Variants in DLGAP1 observed in about 807,000 individuals in gnomAD.
DLGAP1 encodes disks large-associated protein 1.
Under a neutral mutation model 90.8 loss-of-function variants are expected in DLGAP1, and 11 were observed. The observed-to-expected ratio is 0.12, with a 90% confidence interval of 0.08 to 0.20. The LOEUF (loss-of-function observed/expected upper bound fraction) is 0.20. Ranked by LOEUF, DLGAP1 falls within the 10% of genes least tolerant of loss-of-function variation. DLGAP1 has a pLI of 1.00. For missense variants in DLGAP1, 1,050 were observed against 1,333.8 expected, an observed-to-expected ratio of 0.79 and a Z score of 3.31; for synonymous variants, 558 against 540.7, an observed-to-expected ratio of 1.03 and a Z score of -0.44.
chr18:4,165,081 G>A (rs759636473), intron 1 of DLGAP1, among the ~76,000 whole-genome samples: 2 of 152,112 alleles, frequency 1.3e-5, no homozygotes, highest in African/African-American at 2.4e-5. Flanking sequence ...AATATTCAAG[G>A]AAATAATGAT....
chr18:3,596,494 T>C (rs1043893575), intron 7 of DLGAP1: 2 of 212,458 alleles, frequency 9.4e-6, no homozygotes, highest in Non-Finnish European at 9.4e-6. Context: ...ATCAACCAGC[T>C]TTCATTTCTT....
At chr18:3,889,815 A>G (rs1299133706) in intron 3 of DLGAP1, among the ~76,000 whole-genome samples, 1 of 152,204 alleles carries the variant, frequency 6.6e-6, no homozygotes, top group African/African-American at 2.4e-5. Flanking sequence ...GGAAGGGCCC[A>G]TGTCGGCCCC....
chr18:4,174,103 T>C (rs2077066621), intron 1 of DLGAP1, among the ~76,000 whole-genome samples: 1 of 152,104 alleles, frequency 6.6e-6, no homozygotes, highest in South Asian at 2.1e-4. Context: ...GGAATGCTAA[T>C]TGGACATTTT....
chr18:4,140,953 T>C (rs2144307405), intron 2 of DLGAP1, among the ~76,000 whole-genome samples: 1 of 152,152 alleles, frequency 6.6e-6, no homozygotes, highest in Non-Finnish European at 1.5e-5. Context: ...TTGGGGCTTT[T>C]AGGATCCTTT....
intron 2 of DLGAP1, among the ~76,000 whole-genome samples, chr18:4,022,343 G>A (rs1051938579): frequency 6.0e-5 from 9 of 149,126 alleles, no homozygotes; most frequent in African/African-American, 2.0e-4. Context: ...ACCATAGTCA[G>A]CTTTTATTAT....
intron 3 of DLGAP1, among the ~76,000 whole-genome samples, chr18:3,932,613 A>G (rs574618526): frequency 4.5e-4 from 68 of 152,278 alleles, no homozygotes; most frequent in African/African-American, 1.6e-3. Flanking sequence ...GGCAGCAAGG[A>G]CAGGGCTACA....
intron 5 of DLGAP1, among the ~76,000 whole-genome samples, chr18:3,761,397 T>C (rs1037082813): frequency 1.3e-4 from 20 of 152,192 alleles, no homozygotes; most frequent in African/African-American, 4.8e-4. Context: ...TCAAGGTCCA[T>C]CCACAATGTC....
intron 7 of DLGAP1, among the ~76,000 whole-genome samples, chr18:3,647,579 C>T (rs1048049012): frequency 1.3e-5 from 2 of 151,870 alleles, no homozygotes; most frequent in Non-Finnish European, 2.9e-5. Context: ...GATTCTCCTG[C>T]CTTAGCCTCC....
intron 3 of DLGAP1, among the ~76,000 whole-genome samples, chr18:3,911,666 A>G (rs371738546): frequency 3.1e-4 from 47 of 152,328 alleles, no homozygotes; most frequent in African/African-American, 1.1e-3. Context: ...AAGCAATCCA[A>G]GTCAGTTTTC....
intron 3 of DLGAP1, among the ~76,000 whole-genome samples, chr18:3,889,933 A>T (rs964974442): frequency 1.3e-5 from 2 of 152,194 alleles, no homozygotes; most frequent in African/African-American, 4.8e-5. Flanking sequence ...GAGTCCATGG[A>T]ACCCCAGCGA....
At chr18:4,360,966 A>G (rs1476705475) in intron 1 of DLGAP1, among the ~76,000 whole-genome samples, 1 of 152,186 alleles carries the variant, frequency 6.6e-6, no homozygotes, top group East Asian at 1.9e-4. Context: ...CAAAAAAAAA[A>G]AGTGTGTTTA....
intron 7 of DLGAP1, among the ~76,000 whole-genome samples, chr18:3,719,372 T>C (rs1038429563): frequency 6.6e-6 from 1 of 151,514 alleles, no homozygotes; most frequent in African/African-American, 2.4e-5. Flanking sequence ...CAAGACCTGA[T>C]ACAGCAAAAC....
chr18:4,349,347 T>C (rs1193993317), intron 1 of DLGAP1, among the ~76,000 whole-genome samples: 7 of 152,058 alleles, frequency 4.6e-5, no homozygotes, highest in Non-Finnish European at 8.8e-5. Context: ...ATTGGGAAAG[T>C]CTAAGAAGTA....
At chr18:3,623,776 CAAAAA>C (rs56352605) in intron 7 of DLGAP1, among the ~76,000 whole-genome samples, 6 of 92,292 alleles carry the variant, frequency 6.5e-5, no homozygotes, top group Non-Finnish European at 1.1e-4. Context: ...GACTCCGTCT[CAAAAA>C]AAAAAAAAAA....
chr18:4,138,746 A>G (rs1301350557), intron 2 of DLGAP1, among the ~76,000 whole-genome samples: 1 of 152,062 alleles, frequency 6.6e-6, no homozygotes, highest in Non-Finnish European at 1.5e-5. Context: ...GTTAAAATTC[A>G]TCAGTGAAAC....
intron 3 of DLGAP1, among the ~76,000 whole-genome samples, chr18:3,887,980 C>T (rs1423537475): frequency 1.2e-4 from 18 of 151,416 alleles, no homozygotes; most frequent in African/African-American, 4.1e-4. Flanking sequence ...TGGTGGCGGG[C>T]GCCTGTAGTC....
At chr18:3,559,368 A>G (rs978370931) in intron 9 of DLGAP1, among the ~76,000 whole-genome samples, 1 of 152,210 alleles carries the variant, frequency 6.6e-6, no homozygotes, top group African/African-American at 2.4e-5. Context: ...TAAATGGGAA[A>G]AGGGTTAAAC....
chr18:3,933,142 A>T (rs547661475), intron 3 of DLGAP1, among the ~76,000 whole-genome samples: 4 of 152,338 alleles, frequency 2.6e-5, no homozygotes, highest in African/African-American at 9.6e-5. Flanking sequence ...ATCAACTAAT[A>T]TTCTATAGAC....
At chr18:3,606,239 G>A (rs1019443990) in intron 7 of DLGAP1, among the ~76,000 whole-genome samples, 2 of 152,142 alleles carry the variant, frequency 1.3e-5, no homozygotes, top group Non-Finnish European at 2.9e-5. Context: ...GAGTCACCAC[G>A]CTCAGGAAGA....
Sources: gnomAD v4.1 joint callset for allele counts (sites outside exome capture counted in the v4.1 genomes callset) on GRCh38, gnomAD v4.1.1 for gene constraint, MANE v1.5 for transcripts, NCBI Gene and HGNC (gene_info 2026-07-23, HGNC 2026-07-21) for gene names.